CUX2: variants seen among roughly 807,000 people sequenced by gnomAD.
CUX2 encodes cut like homeobox 2.
Under a neutral mutation model 144.8 loss-of-function variants are expected in CUX2, and 40 were observed. That is an observed-to-expected ratio of 0.28 (90% CI 0.21 to 0.36). CUX2 has a LOEUF of 0.36. Among genes scored for constraint, CUX2 ranks in the 10% least tolerant of loss-of-function variants. CUX2 has a pLI of 1.00. For synonymous variants in CUX2, 827 were observed against 875.6 expected (o/e 0.94, Z 0.98); for missense variants, 1,615 against 1,994.0 (o/e 0.81, Z 3.62).
chr12:111,296,388 A>C, intron 7 of CUX2, 85 bp from the exon 8 acceptor site: 1 of 1,244,986 alleles, frequency 8.0e-7, no homozygotes, highest in East Asian at 2.6e-5. Context: ...TGGGCTTCGC[A>C]GAAGGAGTGG....
intron 3 of CUX2, among the ~76,000 whole-genome samples, chr12:111,219,643 G>A (rs1881737209): frequency 6.6e-6 from 1 of 152,174 alleles, no homozygotes; most frequent in Non-Finnish European, 1.5e-5. Context: ...TTTTCATGTT[G>A]TTTTGAGGAT....
At chr12:111,345,837 C>T (rs577262695) in intron 21 of CUX2, among the ~76,000 whole-genome samples, 7 of 148,418 alleles carry the variant, frequency 4.7e-5, no homozygotes, top group East Asian at 4.0e-4. Flanking sequence ...AGGCTGGGTG[C>T]GGTGGCTCAC....
intron 1 of CUX2, among the ~76,000 whole-genome samples, chr12:111,212,005 A>G (rs993544999): frequency 3.3e-5 from 5 of 152,264 alleles, no homozygotes; most frequent in African/African-American, 1.2e-4. Context: ...TTCAAGAGAG[A>G]TGAGAAAAAC....
At chr12:111,214,376 T>C (rs1367042899) in intron 2 of CUX2, 66 bp downstream of exon 2, 7 of 985,446 alleles carry the variant, frequency 7.1e-6, no homozygotes, top group African/African-American at 1.7e-5. Context: ...ATTCAAACTA[T>C]ATTTTGAAAA....
chr12:111,082,072 G>C (rs894376698), intron 1 of CUX2, among the ~76,000 whole-genome samples: 3 of 152,182 alleles, frequency 2.0e-5, no homozygotes, highest in African/African-American at 7.2e-5. Context: ...TTCTTAAGGA[G>C]GATTTTAGGT....
At chr12:111,063,809 G>C (rs1434799492) in intron 1 of CUX2, among the ~76,000 whole-genome samples, 1 of 152,238 alleles carries the variant, frequency 6.6e-6, no homozygotes, top group East Asian at 1.9e-4. Context: ...CCGAGCTGCA[G>C]ACGGAGGCAA....
Position 111,310,238 on chromosome 12 carries a change from T to C in CUX2, c.1456T>C (p.Ser486Pro). 2.0e-6 allele frequency: 3 copies of C among 1,507,648 alleles called. No homozygotes were observed. Among genetic ancestry groups the C allele is most frequent in the Non-Finnish European group, 2.7e-6 (3 of 1,128,230 alleles). 93.4% of individuals were successfully genotyped at this position (1,507,648 alleles called of 1,614,324 possible). A position where few individuals can be genotyped will look rare whatever the true frequency, so the allele number is the denominator to read the frequency against. ...GCTGTCCCCCTTCCCCAGCCTGGCA[T>C]CAGGGGAGAGACTGATGATGCCCCC... Reference protein sequence around the residue: ...FSLSPFPSLASGERLMMPPAA... With the variant: ...FSLSPFPSLAPGERLMMPPAA... Residue 486 changes from serine (S) to proline (P), a missense_variant, in exon 15 of 22, where the codon TCA (serine) becomes CCA (proline). Ser to Pro is a moderately conservative substitution (Grantham distance 74). Coordinates refer to ENST00000261726, the MANE Select transcript of CUX2 (RefSeq NM_015267.4). The surrounding 1 kb of genome is among the most constrained non-coding windows in gnomAD (Gnocchi z 7.9).
intron 1 of CUX2, among the ~76,000 whole-genome samples, chr12:111,168,720 C>T (rs1433387451): frequency 1.3e-5 from 2 of 152,306 alleles, no homozygotes; most frequent in South Asian, 2.1e-4. Context: ...AGTTACTAAT[C>T]GGAGAAGACT....
intron 1 of CUX2, among the ~76,000 whole-genome samples, chr12:111,103,360 T>TAG (rs1210079387): frequency 6.6e-6 from 1 of 152,198 alleles, no homozygotes; most frequent in African/African-American, 2.4e-5. Context: ...GTCAGTCACT[T>TAG]AACTGAGTGT....
intron 3 of CUX2, among the ~76,000 whole-genome samples, chr12:111,249,402 T>C (rs1237449520): frequency 1.7e-5 from 2 of 120,846 alleles, no homozygotes; most frequent in East Asian, 4.2e-4. Flanking sequence ...GCTATTGCCT[T>C]TTTTTTTTTT....
intron 21 of CUX2, among the ~76,000 whole-genome samples, chr12:111,342,824 T>C (rs1888633466): frequency 6.6e-6 from 1 of 151,676 alleles, no homozygotes; most frequent in Non-Finnish European, 1.5e-5. Context: ...CTGGACGTGG[T>C]GGTGCATGCC....
chr12:111,038,422 G>T (rs942636871), intron 1 of CUX2, among the ~76,000 whole-genome samples: 3 of 152,250 alleles, frequency 2.0e-5, no homozygotes, highest in African/African-American at 7.2e-5. Context: ...TGGGGAGCGT[G>T]AGCCCGCAGA....
At chr12:111,168,662 A>T (rs769364528) in intron 1 of CUX2, among the ~76,000 whole-genome samples, 7 of 152,226 alleles carry the variant, frequency 4.6e-5, no homozygotes, top group Non-Finnish European at 8.8e-5. Flanking sequence ...ACTGTGTCAT[A>T]TTGGGATTGT....
intron 1 of CUX2, among the ~76,000 whole-genome samples, chr12:111,150,412 G>A (rs541745118): frequency 6.6e-6 from 1 of 152,264 alleles, no homozygotes; most frequent in South Asian, 2.1e-4. Flanking sequence ...CCAAAGCCAC[G>A]CAAAGAAACA....
At position 111,304,198 on chromosome 12, in the gene CUX2, C is replaced by A; in HGVS notation, c.754-12C>A. Reference sequence around the variant, plus strand: ...GGCTCACCTCTCGCCCACACTGTCCCCTTCTCCCCAGCGAGCTGAGGCTGC... The same window carrying A: ...GGCTCACCTCTCGCCCACACTGTCCACTTCTCCCCAGCGAGCTGAGGCTGC... On this transcript the variant is annotated splice_polypyrimidine_tract_variant and intron_variant, in intron 9 of 21. Coordinates refer to ENST00000261726, the MANE Select transcript of CUX2 (RefSeq NM_015267.4). The surrounding 1 kb of genome is among the most constrained non-coding windows in gnomAD (Gnocchi z 4.7). 1 of 1,608,220 alleles carries A rather than the reference C, an allele frequency of 6.2e-7. No homozygotes were observed. Among genetic ancestry groups the A allele is most frequent in the Non-Finnish European group, 8.5e-7 (1 of 1,176,938 alleles).
intron 1 of CUX2, among the ~76,000 whole-genome samples, chr12:111,046,863 G>A (rs138056862): frequency 0.01 from 1,536 of 152,280 alleles, 27 homozygotes; most frequent in African/African-American, 0.036. Flanking sequence ...CACCACGTCG[G>A]CCAGGCTGGT....
intron 3 of CUX2, among the ~76,000 whole-genome samples, chr12:111,225,217 C>T (rs1268924957): frequency 6.6e-6 from 1 of 152,188 alleles, no homozygotes; most frequent in Admixed American, 6.5e-5. Flanking sequence ...GAACAAAGCC[C>T]ACCACATGGT....
intron 1 of CUX2, among the ~76,000 whole-genome samples, chr12:111,157,146 G>A (rs745591466): frequency 2.6e-4 from 40 of 151,142 alleles, no homozygotes; most frequent in Non-Finnish European, 4.4e-4. Context: ...GAATCGCCCA[G>A]TATCAGAACA....
At position 111,057,218 on chromosome 12, in the gene CUX2, C is replaced by T. The variant is rs1271393002; in HGVS notation, c.63+22978C>T. 1.3e-5 allele frequency among the ~76,000 whole-genome samples: 2 copies of T among 151,468 alleles called. No homozygotes were observed. Among genetic ancestry groups the T allele is most frequent in the African/African-American group, 4.9e-5 (2 of 41,126 alleles). ...GGTGTGATAGGAAGTGGCCCAGTAGCAAGTAAGTGTGACAAGAAATTGTGT... is the reference window on the plus strand; with the variant it reads ...GGTGTGATAGGAAGTGGCCCAGTAGTAAGTAAGTGTGACAAGAAATTGTGT... On this transcript the variant is annotated intron_variant, in intron 1 of 21. Transcript: ENST00000261726. The surrounding 1 kb of genome is among the most constrained non-coding windows in gnomAD (Gnocchi z 5.1).
Sources: gnomAD v4.1 joint callset for allele counts (sites outside exome capture counted in the v4.1 genomes callset) on GRCh38, gnomAD v4.1.1 for gene constraint, Gnocchi (gnomAD v3.1) non-coding constraint, MANE v1.5 for transcripts, NCBI Gene and HGNC (gene_info 2026-07-23, HGNC 2026-07-21) for gene names.